Variants in KLHDC1 observed in about 807,000 individuals in gnomAD.
KLHDC1 encodes the protein kelch domain containing 1, also known as kelch domain-containing protein 1.
A neutral mutation model predicts 68.3 loss-of-function variants in KLHDC1; 53 were observed. The ratio of observed to expected loss-of-function variants is 0.78; its 90% CI spans 0.62 to 0.98. The LOEUF (loss-of-function observed/expected upper bound fraction) is 0.98, where lower values mean the gene tolerates loss of function less well. Among genes scored for constraint, KLHDC1 ranks in the 50% least tolerant of loss-of-function variants. The pLI is 0.00. For missense variants in KLHDC1, 470 were observed against 492.3 expected (o/e 0.95, Z 0.43); for synonymous variants, 148 against 159.0 (o/e 0.93, Z 0.52).
At chr14:49,731,335 T>A (rs747513503) in intron 8 of KLHDC1, among the ~76,000 whole-genome samples, 88 of 152,212 alleles carry the variant, frequency 5.8e-4, no homozygotes, top group Non-Finnish European at 1.3e-4. Context: ...ATTTCCGTTT[T>A]GTAAAAAACA....
rs376592346 is a variant in KLHDC1, at chr14:49,752,731, A to G, written c.*959A>G. On this transcript the variant is annotated 3_prime_UTR_variant, in exon 13 of 13. Coordinates refer to ENST00000359332, the MANE Select transcript of KLHDC1 (RefSeq NM_172193.3). The stretch of plus-strand genomic sequence containing the variant: ...AGCATTACCATCTATACAGAAATGG[A>G]ACACTGTATCTTTATATTCCTAAAA... 1.3e-5 allele frequency: 2 copies of G among 152,060 alleles called. No homozygotes were observed. Among genetic ancestry groups the G allele is most frequent in the East Asian group, 3.8e-4 (2 of 5,196 alleles). The allele number at this position is 152,060 out of a possible 1,614,324, so 9.4% of individuals were successfully genotyped here.
chr14:49,700,471 C>A (rs1887872630), intron 1 of KLHDC1, among the ~76,000 whole-genome samples: 1 of 152,106 alleles, frequency 6.6e-6, no homozygotes, highest in Non-Finnish European at 1.5e-5. Context: ...ATGGTCCTAG[C>A]TACTTGGGAG....
intron 4 of KLHDC1, among the ~76,000 whole-genome samples, chr14:49,719,045 G>A (rs1352805025): frequency 1.3e-5 from 2 of 151,854 alleles, no homozygotes; most frequent in Non-Finnish European, 2.9e-5. Flanking sequence ...TCTCAAAAGT[G>A]CTGGGATTAC....
In KLHDC1 at chr14:49,713,813, TATATATATATATATATATATATATATA is replaced by T. The variant is rs1566602690; in HGVS notation, c.404+3433_404+3459del. Reference sequence around the variant, plus strand: ...GAGGCAGGAGGTATATATATATATATATATATATATATATATATATATATATATATATATATATTTTTTTTTTTTTTT... The same window carrying T: ...GAGGCAGGAGGTATATATATATATATTATATATATATTTTTTTTTTTTTTT... On this transcript the variant is annotated intron_variant, in intron 4 of 12. Transcript: ENST00000359332. 9.7e-3 allele frequency among the ~76,000 whole-genome samples: 13 copies of T among 1,334 alleles called. 2 individuals carry two copies. The highest frequency in any genetic ancestry group is 0.024 in the Non-Finnish European group (7 of 290). The allele number at this position is 1,334 out of a possible 152,430, so 0.9% of individuals were successfully genotyped here. A position where few individuals can be genotyped will look rare whatever the true frequency, so the allele number is the denominator to read the frequency against.
chr14:49,697,383 C>T (rs1347046946), intron 1 of KLHDC1, among the ~76,000 whole-genome samples: 1 of 152,140 alleles, frequency 6.6e-6, no homozygotes, highest in Admixed American at 6.6e-5. Flanking sequence ...GTTTATGGTG[C>T]CCCAAAACAA....
At chr14:49,742,164 T>C (rs1239711577) in intron 11 of KLHDC1, among the ~76,000 whole-genome samples, 1 of 152,240 alleles carries the variant, frequency 6.6e-6, no homozygotes, top group Admixed American at 6.5e-5. Flanking sequence ...TGGTTTGTCT[T>C]CTCTTTCTTG....
intron 1 of KLHDC1, among the ~76,000 whole-genome samples, chr14:49,702,474 T>C (rs529141494): frequency 5.9e-4 from 90 of 152,332 alleles, no homozygotes; most frequent in African/African-American, 2.0e-3. Flanking sequence ...TATATATTCA[T>C]AAATGATCAC....
At chr14:49,711,696 C>CT (rs1388211676) in intron 4 of KLHDC1, among the ~76,000 whole-genome samples, 2 of 151,992 alleles carry the variant, frequency 1.3e-5, no homozygotes, top group Non-Finnish European at 2.9e-5. Context: ...GCCATCAACT[C>CT]TGTTATTTGA....
Position 49,752,213 on chromosome 14 carries a change from C to G in KLHDC1, c.*441C>G. The G allele has an allele frequency of 6.6e-6, 1 of 152,242 alleles. No individual in the cohort carries two copies. Among genetic ancestry groups the G allele is most frequent in the South Asian group, 2.1e-4 (1 of 4,818 alleles). 9.4% of individuals were successfully genotyped at this position (152,242 alleles called of 1,614,324 possible). On this transcript the variant is annotated 3_prime_UTR_variant, in exon 13 of 13. Coordinates refer to ENST00000359332, the MANE Select transcript of KLHDC1 (RefSeq NM_172193.3). ...CTCAAGTCATTTTAAAGTTACCTAA[C>G]GTTCTTCTTGAATAACTAATACAGT...
At chr14:49,708,473 G>A (rs1217438614) in intron 1 of KLHDC1, 1 of 152,138 alleles carries the variant, frequency 6.6e-6, no homozygotes, top group African/African-American at 2.4e-5. Context: ...TCCTAAGCTT[G>A]TTTAAGCTCA....
chr14:49,741,858 A>G (rs1270544911), intron 11 of KLHDC1, among the ~76,000 whole-genome samples: 2 of 152,054 alleles, frequency 1.3e-5, no homozygotes, highest in Non-Finnish European at 2.9e-5. Context: ...ACACTCAGAA[A>G]TAGAGGATTC....
At chr14:49,707,126 T>G (rs1215966719) in intron 1 of KLHDC1, among the ~76,000 whole-genome samples, 1 of 152,196 alleles carries the variant, frequency 6.6e-6, no homozygotes, top group East Asian at 1.9e-4. Context: ...GTCTTAGATT[T>G]AAGTCTTTAA....
At chr14:49,723,823 C>A in intron 4 of KLHDC1, 51 bp from the exon 5 acceptor site, 1 of 1,080,558 alleles carries the variant, frequency 9.3e-7, no homozygotes. Flanking sequence ...TTTCTATGAA[C>A]AAACTGGAAA....
intron 6 of KLHDC1, among the ~76,000 whole-genome samples, chr14:49,726,965 C>T (rs1888686049): frequency 1.3e-5 from 2 of 152,116 alleles, no homozygotes; most frequent in African/African-American, 4.8e-5. Context: ...TAGAAAAGGG[C>T]TGGGCTTGCT....
chr14:49,702,013 A>G (rs936871392), intron 1 of KLHDC1, among the ~76,000 whole-genome samples: 1 of 152,090 alleles, frequency 6.6e-6, no homozygotes, highest in Non-Finnish European at 1.5e-5. Context: ...TACTAAAAAT[A>G]CAAACGTAAC....
rs149782398 is a variant in KLHDC1, at chr14:49,728,997, C to T, written c.639C>T (p.Gly213=). 34 of 1,610,784 alleles carry T rather than the reference C, an allele frequency of 2.1e-5. No homozygotes were observed. Among genetic ancestry groups the T allele is most frequent in the South Asian group, 5.5e-5 (5 of 91,010 alleles). The change falls in exon 7 of 13, where the codon GGC becomes GGT. Residue 213 remains glycine (G), a synonymous_variant. Transcript: ENST00000359332. ...TTGGAAATAAGGGTTATATCTTTGG[C>T]GGACGTGTTCTGGTTAGTGTTTTTA... ...AVLGNKGYIF[G]GRVLQTRMND...
intron 4 of KLHDC1, among the ~76,000 whole-genome samples, chr14:49,713,798 GTATATATATATATATATATATA>G (rs1174449263): frequency 1.7e-5 from 1 of 58,546 alleles, no homozygotes; most frequent in Non-Finnish European, 3.0e-5. Flanking sequence ...GAGGCAGGAG[GTATATATATATATATATATATA>G]TATATATATA....
chr14:49,728,824 A>G (rs1172502813), intron 6 of KLHDC1, 102 bp from the exon 7 acceptor site: 1 of 821,218 alleles, frequency 1.2e-6, no homozygotes, highest in Non-Finnish European at 2.1e-6. Context: ...TACATAGGTA[A>G]TGATAACTTA....
At chr14:49,713,155 C>T (rs376679635) in intron 4 of KLHDC1, among the ~76,000 whole-genome samples, 4 of 150,632 alleles carry the variant, frequency 2.7e-5, no homozygotes, top group East Asian at 2.0e-4. Context: ...AGGGTTTCAC[C>T]GTGTTAGCCA....
Sources: gnomAD v4.1 joint callset for allele counts (sites outside exome capture counted in the v4.1 genomes callset) on GRCh38, gnomAD v4.1.1 for gene constraint, MANE v1.5 for transcripts, NCBI Gene and HGNC (gene_info 2026-07-23, HGNC 2026-07-21) for gene names.